Variants in ESRRG observed in about 807,000 individuals in gnomAD.
ESRRG encodes estrogen related receptor gamma.
In ESRRG, 13 loss-of-function variants were observed where a neutral mutation model predicts 44.0. That is an observed-to-expected ratio of 0.30 (90% CI 0.19 to 0.47). The LOEUF is 0.47. Among genes scored for constraint, ESRRG ranks in the 20% least tolerant of loss-of-function variants. The probability of loss-of-function intolerance (pLI) is 1.00; values close to 1 mark genes in which losing one functional copy is unlikely to be tolerated. For synonymous variants in ESRRG, 215 were observed against 214.6 expected, an observed-to-expected ratio of 1.00 and a Z score of -0.02; for missense variants, 395 against 580.6, an observed-to-expected ratio of 0.68 and a Z score of 3.29.
intron 2 of ESRRG, among the ~76,000 whole-genome samples, chr1:216,933,764 G>A (rs1486660609): frequency 6.6e-6 from 1 of 152,124 alleles, no homozygotes; most frequent in Non-Finnish European, 1.5e-5. Context: ...AATTTAACAA[G>A]TGATTCTCTT....
At chr1:216,724,559 T>A (rs1175750494), upstream of ESRRG, among the ~76,000 whole-genome samples, 1 of 152,004 alleles carries the variant, frequency 6.6e-6, no homozygotes, top group Admixed American at 6.5e-5. Context: ...CTATATGCTT[T>A]AAAAAAATCA....
intron 1 of ESRRG, among the ~76,000 whole-genome samples, chr1:216,960,576 C>T (rs933133617): frequency 9.3e-6 from 1 of 107,718 alleles, no homozygotes; most frequent in Non-Finnish European, 2.3e-5. Context: ...TATGACTCCT[C>T]CATGTGTTTG....
rs562215989 is a variant in ESRRG at position 216,576,000 on chromosome 1, G to A, written c.590-7902C>T. ...GTGAACAAACCAAAAGTGATAAAAA[G>A]ATTCCATTCCTCTTTTTTTCCACTG... On this transcript the variant is annotated intron_variant, in intron 3 of 6. Transcript: ENST00000408911. 5.9e-5 allele frequency among the ~76,000 whole-genome samples: 9 copies of A among 152,118 alleles called. No homozygotes were observed. In the East Asian group the frequency reaches 1.7e-3, roughly 29 times the overall value.
At chr1:216,688,248 C>T (rs368039954) in intron 1 of ESRRG, among the ~76,000 whole-genome samples, 46 of 152,112 alleles carry the variant, frequency 3.0e-4, no homozygotes, top group African/African-American at 9.7e-4. Context: ...GTGAGTGGAG[C>T]GGGAAAGCCA....
intron 1 of ESRRG, among the ~76,000 whole-genome samples, chr1:216,946,318 A>T (rs2066048719): frequency 6.6e-6 from 1 of 152,176 alleles, no homozygotes; most frequent in Non-Finnish European, 1.5e-5. Flanking sequence ...TACAGTGAAG[A>T]CTCAGAGTAA....
In ESRRG at chr1:216,505,861, G is replaced by A. The variant is rs925355785; in HGVS notation, c.*1078C>T. The A allele has an allele frequency of 2.0e-5, 3 of 152,646 alleles. No individual in the cohort carries two copies. The highest frequency in any genetic ancestry group is 6.8e-3 in the Middle Eastern group (2 of 294). The allele number at this position is 152,646 out of a possible 1,614,324, so 9.5% of individuals were successfully genotyped here. On this transcript the variant is annotated 3_prime_UTR_variant, in exon 7 of 7. Coordinates refer to ENST00000408911, the MANE Select transcript of ESRRG (RefSeq NM_001438.4). ...AGTTAAATTCCCATATTAATAAATG[G>A]CTGAAAAGTGGTAAAGCTGGTACAA...
At chr1:216,635,792 G>A (rs2065179742) in intron 3 of ESRRG, among the ~76,000 whole-genome samples, 1 of 152,070 alleles carries the variant, frequency 6.6e-6, no homozygotes, top group Non-Finnish European at 1.5e-5. Flanking sequence ...CATGGACAGC[G>A]AGCAATGTGA....
At chr1:216,981,720 TGCACACATACGCAC>T (rs960294324) in intron 1 of ESRRG, among the ~76,000 whole-genome samples, 15 of 150,700 alleles carry the variant, frequency 1.0e-4, no homozygotes, top group Non-Finnish European at 2.1e-4. Context: ...CACACACACA[TGCACACATACGCAC>T]GCACACACAG....
At chr1:217,041,207 C>T (rs887182137) in intron 1 of ESRRG, among the ~76,000 whole-genome samples, 8 of 151,962 alleles carry the variant, frequency 5.3e-5, no homozygotes, top group Non-Finnish European at 1.2e-4. Context: ...CTAAGAGGCC[C>T]CATAGTCAGA....
At chr1:216,648,123 T>C in intron 3 of ESRRG, among the ~76,000 whole-genome samples, 1 of 152,116 alleles carries the variant, frequency 6.6e-6, no homozygotes, top group East Asian at 1.9e-4. Context: ...TCTCCATCCA[T>C]AAAGATACAT....
upstream of ESRRG, among the ~76,000 whole-genome samples, chr1:217,091,920 A>G (rs1240377862): frequency 1.3e-5 from 2 of 152,238 alleles, no homozygotes; most frequent in African/African-American, 4.8e-5. Context: ...ACAAAGCGAA[A>G]GAACCATAAC....
intron 2 of ESRRG, among the ~76,000 whole-genome samples, chr1:216,932,739 T>A (rs973936732): frequency 2.0e-4 from 29 of 147,372 alleles, no homozygotes; most frequent in Non-Finnish European, 4.2e-4. Context: ...TTTTTTTTTT[T>A]TTTTTTTGGT....
At chr1:217,078,839 C>T (rs1399331511) in intron 1 of ESRRG, among the ~76,000 whole-genome samples, 2 of 152,248 alleles carry the variant, frequency 1.3e-5, no homozygotes, top group African/African-American at 4.8e-5. Context: ...CTGGTATCAA[C>T]CTCTGCATTC....
intron 3 of ESRRG, among the ~76,000 whole-genome samples, chr1:216,614,193 A>G (rs1226278445): frequency 6.6e-6 from 1 of 152,234 alleles, no homozygotes; most frequent in Non-Finnish European, 1.5e-5. Flanking sequence ...CAGAGCGATT[A>G]AATTGTGGCG....
intron 1 of ESRRG, among the ~76,000 whole-genome samples, chr1:217,052,765 T>C (rs1198765343): frequency 6.6e-6 from 1 of 152,144 alleles, no homozygotes; most frequent in African/African-American, 2.4e-5. Context: ...CTGGCTAATG[T>C]TGATCATTAA....
intron 1 of ESRRG, among the ~76,000 whole-genome samples, chr1:216,712,042 A>C (rs2083716955): frequency 6.6e-6 from 1 of 152,174 alleles, no homozygotes; most frequent in South Asian, 2.1e-4. Flanking sequence ...TTCAAATTTG[A>C]CCTTCCTATT....
chr1:216,945,124 A>G (rs1231876509), intron 1 of ESRRG, among the ~76,000 whole-genome samples: 2 of 152,196 alleles, frequency 1.3e-5, no homozygotes, highest in Non-Finnish European at 1.5e-5. Flanking sequence ...GAGCGATACC[A>G]AGGATTAGCT....
chr1:216,731,032 A>G (rs1048494937), intron 2 of ESRRG, among the ~76,000 whole-genome samples: 1 of 152,228 alleles, frequency 6.6e-6, no homozygotes, highest in African/African-American at 2.4e-5. Context: ...CAAAGCTGCC[A>G]TATCAGTACC....
intron 5 of ESRRG, among the ~76,000 whole-genome samples, chr1:216,546,684 T>TA (rs1004867909): frequency 2.9e-4 from 43 of 147,800 alleles, no homozygotes; most frequent in African/African-American, 4.4e-4. Flanking sequence ...CTATGTGCTT[T>TA]AAAAAAAAAA....
Sources: gnomAD v4.1 joint callset for allele counts (sites outside exome capture counted in the v4.1 genomes callset) on GRCh38, gnomAD v4.1.1 for gene constraint, MANE v1.5 for transcripts, NCBI Gene and HGNC (gene_info 2026-07-23, HGNC 2026-07-21) for gene names.